The following PLCH2 variants were observed in gnomAD, a reference collection of about 807,000 sequenced individuals.
The protein encoded by PLCH2 is phospholipase C eta 2.
In PLCH2, 98 loss-of-function variants were observed where a neutral mutation model predicts 134.7. The observed-to-expected ratio is 0.73, with a 90% CI of 0.62 to 0.86. The LOEUF (loss-of-function observed/expected upper bound fraction) is 0.86, where lower values mean the gene tolerates loss of function less well. Ranked by LOEUF, PLCH2 falls within the 40% of genes least tolerant of loss-of-function variation. PLCH2 has a pLI of 0.00. For missense variants in PLCH2, 1,994 were observed against 1,986.6 expected (o/e 1.00, Z -0.07); for synonymous variants, 974 against 827.5 (o/e 1.18, Z -3.04).
intron 2 of PLCH2, among the ~76,000 whole-genome samples, chr1:2,461,722 C>T (rs990858513): frequency 1.3e-5 from 2 of 152,176 alleles, no homozygotes; most frequent in Non-Finnish European, 2.9e-5. Context: ...GTTTCTTCTG[C>T]GCCTCTGCCT....
At chr1:2,500,483 C>T (rs1482563479) in intron 20 of PLCH2, 3 of 152,576 alleles carry the variant, frequency 2.0e-5, no homozygotes, top group South Asian at 2.1e-4. Flanking sequence ...ACCTGCTCCC[C>T]CTGTCTCTTT....
At chr1:2,481,239 G>A (rs1308483199) in intron 4 of PLCH2, among the ~76,000 whole-genome samples, 1 of 152,254 alleles carries the variant, frequency 6.6e-6, no homozygotes. Flanking sequence ...AAGCTGGCCT[G>A]CTCACAGGAC....
intron 2 of PLCH2, among the ~76,000 whole-genome samples, chr1:2,436,483 T>C (rs1328333675): frequency 6.7e-5 from 2 of 29,922 alleles, no homozygotes; most frequent in African/African-American, 2.8e-4. Flanking sequence ...TCCTCCCTCC[T>C]CCCCTCCTCC....
chr1:2,455,890 C>T (rs1214853710), intron 2 of PLCH2, among the ~76,000 whole-genome samples: 6 of 152,160 alleles, frequency 3.9e-5, no homozygotes, highest in Non-Finnish European at 7.4e-5. Flanking sequence ...GTGAGCATCC[C>T]GCGGGCGGGC....
At chr1:2,453,625 C>T (rs964563126) in intron 2 of PLCH2, among the ~76,000 whole-genome samples, 2 of 152,190 alleles carry the variant, frequency 1.3e-5, no homozygotes, top group African/African-American at 4.8e-5. Context: ...GGGGCAGGAC[C>T]CTCCACCACC....
rs888944366 is a variant in PLCH2, at chr1:2,448,501, T to C, written c.115+17872T>C. On this transcript the variant is annotated intron_variant, in intron 2 of 3. Transcript: ENST00000609981. This position sits in a 1 kb window ranked among gnomAD's most constrained non-coding sequence, Gnocchi z 4.0. ...GGCCTGCCTGGGTCATTCGGGACGA[T>C]CTCCTCGGCGCAGGCCTTTCACTGA... Among the ~76,000 whole-genome samples, 9 of 152,142 alleles carry C rather than the reference T, an allele frequency of 5.9e-5. No individual in the cohort carries two copies. The highest frequency in any genetic ancestry group is 1.9e-4 in the African/African-American group (8 of 41,426).
intron 2 of PLCH2, among the ~76,000 whole-genome samples, chr1:2,447,057 T>G (rs1639976906): frequency 6.6e-6 from 1 of 152,142 alleles, no homozygotes; most frequent in South Asian, 2.1e-4. Flanking sequence ...CACCCCCTCA[T>G]GTGCTCCCAG....
At position 2,497,547 on chromosome 1, in the gene PLCH2, G is replaced by C; in HGVS notation, c.2162G>C (p.Arg721Pro). The C allele has an allele frequency of 1.3e-6, 2 of 1,563,228 alleles. No individual in the cohort carries two copies. The highest frequency in any genetic ancestry group is 1.7e-6 in the Non-Finnish European group (2 of 1,154,290). Residue 721 changes from arginine to proline, a missense_variant, in exon 16 of 22, where the codon CGA becomes CCA. By Grantham distance (103) the Arg-to-Pro change is moderately radical. Transcript: ENST00000378486. ...QSEGRMLQLNRAKFSANGGCG... is the reference protein window; with the variant it reads ...QSEGRMLQLNPAKFSANGGCG... ...GAGGGGCGGATGCTGCAGCTGAACCGAGCCAAGTTCAGCGCCAACGGTGGC... is the reference window on the plus strand; with the variant it reads ...GAGGGGCGGATGCTGCAGCTGAACCCAGCCAAGTTCAGCGCCAACGGTGGC...
upstream of PLCH2, among the ~76,000 whole-genome samples, chr1:2,474,153 C>T (rs1330764190): frequency 6.6e-6 from 1 of 152,034 alleles, no homozygotes; most frequent in African/African-American, 2.4e-5. Context: ...GGGGGTGGGG[C>T]AGCCCCCTCC....
At chr1:2,431,742 A>G (rs765119654) in intron 2 of PLCH2, among the ~76,000 whole-genome samples, 4 of 152,044 alleles carry the variant, frequency 2.6e-5, no homozygotes, top group Non-Finnish European at 5.9e-5. Context: ...CCCTCATCAC[A>G]GTCCCTGCCT....
chr1:2,442,493 G>T (rs779100944), intron 2 of PLCH2, among the ~76,000 whole-genome samples: 19 of 152,336 alleles, frequency 1.2e-4, no homozygotes, highest in South Asian at 2.1e-4. Context: ...CCTCATCTCA[G>T]ACTCAGCCTT....
intron 13 of PLCH2, 85 bp from the exon 14 acceptor site, chr1:2,496,522 C>T (rs1302187733): frequency 8.0e-6 from 9 of 1,120,644 alleles, no homozygotes; most frequent in Non-Finnish European, 1.1e-5. Flanking sequence ...AATGAGGCTG[C>T]CCGAGCCCTG....
At chr1:2,438,480 T>TCCC (rs1235361238) in intron 2 of PLCH2, among the ~76,000 whole-genome samples, 2 of 152,044 alleles carry the variant, frequency 1.3e-5, no homozygotes, top group African/African-American at 4.8e-5. Flanking sequence ...CCCTGCCATG[T>TCCC]CCCCTCCAGC....
rs775165007 is a variant in PLCH2 at position 2,486,945 on chromosome 1, C to T, written c.855C>T (p.Ile285=). The change falls in exon 6 of 22, where the codon ATC becomes ATT. Residue 285 remains isoleucine, a synonymous_variant. Transcript: ENST00000378486. ...CCCTCGAGAGCTGCCAGGACATCATCGAGCAGTTTGAGCCATGCCCAGAAA... is the reference window on the plus strand; with the variant it reads ...CCCTCGAGAGCTGCCAGGACATCATTGAGCAGTTTGAGCCATGCCCAGAAA... ...GVTLESCQDI[I]EQFEPCPENK... The T allele has an allele frequency of 2.4e-5, 39 of 1,608,660 alleles. 1 individual carries two copies. The highest frequency in any genetic ancestry group is 1.9e-4 in the Admixed American group (11 of 59,418).
chr1:2,470,201 G>A (rs959557066), intron 1 of PLCH2, among the ~76,000 whole-genome samples: 8 of 152,210 alleles, frequency 5.3e-5, no homozygotes, highest in African/African-American at 1.9e-4. Context: ...TGGCTGCTCC[G>A]ACTTTCAGGT....
intron 2 of PLCH2, among the ~76,000 whole-genome samples, chr1:2,434,317 T>A (rs1000870270): frequency 6.6e-6 from 1 of 152,158 alleles, no homozygotes; most frequent in Non-Finnish European, 1.5e-5. Context: ...GGACTCACCT[T>A]CACAGCCGTT....
Position 2,478,629 on chromosome 1 carries a change from G to T in PLCH2, c.271+7G>T. ...AAGAACGAGAAGGCCAAGAGTGAGTGGGAGCCCTGGGGTGGGGACAAATCA... is the reference window on the plus strand; with the variant it reads ...AAGAACGAGAAGGCCAAGAGTGAGTTGGAGCCCTGGGGTGGGGACAAATCA... On this transcript the variant is annotated splice_region_variant and intron_variant, in intron 2 of 21. Transcript: ENST00000378486. 5 of 1,602,812 alleles carry T rather than the reference G, an allele frequency of 3.1e-6. No individual in the cohort carries two copies. The highest frequency in any genetic ancestry group is 4.3e-6 in the Non-Finnish European group (5 of 1,175,332).
intron 12 of PLCH2, 76 bp downstream of exon 12, chr1:2,495,024 C>T: frequency 9.6e-7 from 1 of 1,040,360 alleles, no homozygotes; most frequent in Non-Finnish European, 1.4e-6. Context: ...CGTGTCCTCC[C>T]TGCTCCCAGT....
upstream of PLCH2, among the ~76,000 whole-genome samples, chr1:2,424,797 C>G (rs898104502): frequency 6.6e-6 from 1 of 152,252 alleles, no homozygotes; most frequent in East Asian, 1.9e-4. Context: ...ACCATCCTGG[C>G]TAACACAGTG....
Sources: gnomAD v4.1 joint callset for allele counts (sites outside exome capture counted in the v4.1 genomes callset) on GRCh38, gnomAD v4.1.1 for gene constraint, Gnocchi (gnomAD v3.1) non-coding constraint, MANE v1.5 for transcripts, NCBI Gene and HGNC (gene_info 2026-07-23, HGNC 2026-07-21) for gene names.